RNF43: variants seen among roughly 807,000 people sequenced by gnomAD.
The protein encoded by RNF43 is E3 ubiquitin-protein ligase RNF43.
RNF43 carries 37 observed loss-of-function variants against 78.4 expected under a neutral mutation model. That is an observed-to-expected ratio of 0.47 (90% CI 0.36 to 0.62). The LOEUF is 0.62. Among genes scored for constraint, RNF43 ranks in the 20% least tolerant of loss-of-function variants. RNF43 has a pLI of 0.00. For missense variants in RNF43, 774 were observed against 1,007.9 expected (o/e 0.77, Z 3.14); for synonymous variants, 347 against 395.0 (o/e 0.88, Z 1.44).
At position 58,360,306 on chromosome 17, in the gene RNF43, A is replaced by G; in HGVS notation, c.850-55T>C. The stretch of plus-strand genomic sequence containing the variant: ...GGCTTCTGTAGCCATAGGAATTGCC[A>G]GGAATCAGGACATCCCCCAACTCCC... On this transcript the variant is annotated intron_variant, in intron 7 of 9. Coordinates refer to ENST00000407977, the MANE Select transcript of RNF43 (RefSeq NM_017763.6). This position sits in a 1 kb window ranked among gnomAD's most constrained non-coding sequence, Gnocchi z 4.3. 1 of 1,366,652 alleles carries G rather than the reference A, an allele frequency of 7.3e-7. No individual in the cohort carries two copies. The highest frequency in any genetic ancestry group is 1.2e-5 in the South Asian group (1 of 85,964). The allele number at this position is 1,366,652 out of a possible 1,614,324, so 84.7% of individuals were successfully genotyped here. A position where few individuals can be genotyped will look rare whatever the true frequency, so the allele number is the denominator to read the frequency against.
chr17:58,402,285 C>T (rs1973819076), intron 2 of RNF43, among the ~76,000 whole-genome samples: 1 of 152,242 alleles, frequency 6.6e-6, no homozygotes, highest in African/African-American at 2.4e-5. Context: ...CTAACCACTA[C>T]TCTGTGGTTG....
At chr17:58,383,481 T>G (rs1435196406) in intron 2 of RNF43, among the ~76,000 whole-genome samples, 2 of 152,048 alleles carry the variant, frequency 1.3e-5, no homozygotes, top group East Asian at 3.9e-4. Context: ...ATTTCTATTT[T>G]TGGTAAAGAC....
intron 1 of RNF43, chr17:58,416,588 T>C (rs1357207531): frequency 1.3e-5 from 2 of 152,228 alleles, no homozygotes; most frequent in African/African-American, 4.8e-5. Context: ...TTATGATCTG[T>C]AATTTTCTAG....
intron 2 of RNF43, among the ~76,000 whole-genome samples, chr17:58,403,106 T>C (rs1256077034): frequency 2.0e-5 from 3 of 152,200 alleles, no homozygotes; most frequent in South Asian, 4.1e-4. Flanking sequence ...CCAGTAAGCG[T>C]GTACCTCAAG....
chr17:58,376,325 A>G (rs1973203749), intron 2 of RNF43, among the ~76,000 whole-genome samples: 2 of 152,102 alleles, frequency 1.3e-5, no homozygotes, highest in Non-Finnish European at 2.9e-5. Context: ...CTTGAAAACA[A>G]ATGTCTATGC....
intron 2 of RNF43, among the ~76,000 whole-genome samples, chr17:58,373,082 G>T (rs547028128): frequency 6.6e-6 from 1 of 152,328 alleles, no homozygotes; most frequent in South Asian, 2.1e-4. Flanking sequence ...CACCAGAGCA[G>T]AAGATGGAGG....
chr17:58,381,413 G>C (rs1051589525), intron 2 of RNF43, among the ~76,000 whole-genome samples: 3 of 152,174 alleles, frequency 2.0e-5, no homozygotes, highest in Non-Finnish European at 1.5e-5. Flanking sequence ...GCCTGCTTTG[G>C]GGGGACTGTT....
At chr17:58,409,033 T>C (rs1296630885) in intron 2 of RNF43, among the ~76,000 whole-genome samples, 12 of 152,012 alleles carry the variant, frequency 7.9e-5, no homozygotes, top group Admixed American at 7.2e-4. Context: ...AGAATATGAG[T>C]CCTCAGGGAA....
intron 2 of RNF43, among the ~76,000 whole-genome samples, chr17:58,397,878 A>G (rs1973718156): frequency 6.6e-6 from 1 of 152,118 alleles, no homozygotes; most frequent in African/African-American, 2.4e-5. Flanking sequence ...AGACACTATA[A>G]CCCATACCCT....
At chr17:58,362,517 C>T (rs757590268) in intron 6 of RNF43, 27 bp downstream of exon 6, 94 of 1,565,184 alleles carry the variant, frequency 6.0e-5, no homozygotes, top group African/African-American at 8.2e-5. Context: ...ACACGTTCAC[C>T]GCCGCCAAAG....
rs1371141257 is a variant in RNF43 at position 58,357,371 on chromosome 17, G to T, written c.2308+97C>A. ...TGTCATCTCTGCTGTATCCTTCTCAGCTTCCATCAACCCTTTGTTGGCTGA... is the reference window on the plus strand; with the variant it reads ...TGTCATCTCTGCTGTATCCTTCTCATCTTCCATCAACCCTTTGTTGGCTGA... On this transcript the variant is annotated intron_variant, in intron 9 of 9. Coordinates refer to ENST00000407977, the MANE Select transcript of RNF43 (RefSeq NM_017763.6). The surrounding 1 kb of genome is among the most constrained non-coding windows in gnomAD (Gnocchi z 4.5). 2 of 1,470,948 alleles carry T rather than the reference G, an allele frequency of 1.4e-6. No individual in the cohort carries two copies. The highest frequency in any genetic ancestry group is 2.3e-5 in the East Asian group (1 of 44,136). The allele number at this position is 1,470,948 out of a possible 1,614,324, so 91.1% of individuals were successfully genotyped here.
chr17:58,407,034 G>C (rs916354976), intron 2 of RNF43, among the ~76,000 whole-genome samples: 1 of 142,512 alleles, frequency 7.0e-6, no homozygotes, highest in African/African-American at 2.6e-5. Context: ...CGTGAAGATA[G>C]TTATGCTGCC....
In RNF43 at chr17:58,358,900, A is replaced by G; in HGVS notation, c.953-77T>C. ...AATGCATTCAGAAAGACATGGCTGT[A>G]GCTAATCTATTTGACCCTGAGTAGC... On this transcript the variant is annotated intron_variant, in intron 8 of 9. Coordinates refer to ENST00000407977, the MANE Select transcript of RNF43 (RefSeq NM_017763.6). The surrounding 1 kb of genome is among the most constrained non-coding windows in gnomAD (Gnocchi z 6.2). The G allele has an allele frequency of 7.2e-7, 1 of 1,385,178 alleles. No homozygotes were observed. The highest frequency in any genetic ancestry group is 9.5e-7 in the Non-Finnish European group (1 of 1,057,208). 85.8% of individuals were successfully genotyped at this position (1,385,178 alleles called of 1,614,324 possible).
chr17:58,391,599 A>T (rs1973561138), intron 2 of RNF43, among the ~76,000 whole-genome samples: 1 of 152,082 alleles, frequency 6.6e-6, no homozygotes, highest in African/African-American at 2.4e-5. Context: ...GTAATAACTG[A>T]CGGCCTCTCA....
intron 2 of RNF43, among the ~76,000 whole-genome samples, chr17:58,406,799 C>G (rs1598167277): frequency 1.3e-5 from 2 of 150,066 alleles, no homozygotes; most frequent in African/African-American, 4.9e-5. Flanking sequence ...ACTTATAAGG[C>G]CTTTAGTCTC....
chr17:58,362,883 G>T (rs899266369), intron 5 of RNF43, among the ~76,000 whole-genome samples: 9 of 152,156 alleles, frequency 5.9e-5, no homozygotes, highest in African/African-American at 2.2e-4. Flanking sequence ...AAACCCATGT[G>T]CTTGGGGAAA....
intron 3 of RNF43, 74 bp downstream of exon 3, chr17:58,370,837 G>A (rs2143512099): frequency 2.8e-6 from 4 of 1,416,608 alleles, no homozygotes; most frequent in African/African-American, 2.8e-5. Flanking sequence ...ATGGGGACAA[G>A]AGAGCACAGG....
chr17:58,413,416 CTTAT>C (rs905610564), intron 2 of RNF43, among the ~76,000 whole-genome samples: 4 of 151,986 alleles, frequency 2.6e-5, no homozygotes, highest in Non-Finnish European at 4.4e-5. Flanking sequence ...AGTGAAAAAA[CTTAT>C]TTAAAGACCT....
chr17:58,394,844 AG>A (rs1216668592), intron 2 of RNF43: 2 of 152,224 alleles, frequency 1.3e-5, no homozygotes, highest in Admixed American at 6.5e-5. Context: ...TTTGAACTTT[AG>A]GACTTTTGGG....
Sources: gnomAD v4.1 joint callset for allele counts (sites outside exome capture counted in the v4.1 genomes callset) on GRCh38, gnomAD v4.1.1 for gene constraint, Gnocchi (gnomAD v3.1) non-coding constraint, MANE v1.5 for transcripts, NCBI Gene and HGNC (gene_info 2026-07-23, HGNC 2026-07-21) for gene names.